The following MEGF6 variants were observed in gnomAD, a reference collection of about 807,000 sequenced individuals.
MEGF6 encodes multiple epidermal growth factor-like domains protein 6.
Under a neutral mutation model 207.1 loss-of-function variants are expected in MEGF6, and 184 were observed. That is an observed-to-expected ratio of 0.89 (90% CI 0.79 to 1.00). The LOEUF (loss-of-function observed/expected upper bound fraction) is 1.00. MEGF6 is among the 50% of genes least tolerant of loss of function. MEGF6 has a pLI of 0.00. For missense variants in MEGF6, 2,282 were observed against 2,202.9 expected, an observed-to-expected ratio of 1.04 and a Z score of -0.72; for synonymous variants, 1,038 against 910.0, an observed-to-expected ratio of 1.14 and a Z score of -2.53.
Position 3,595,350 on chromosome 1 carries a change from C to A in MEGF6, c.364G>T (p.Gly122Cys). Residue 122 changes from glycine to cysteine, a missense_variant, in exon 3 of 37, where the codon GGC becomes TGC. By Grantham distance (159) the Gly-to-Cys change is radical (BLOSUM62 -3). Transcript: ENST00000356575. ...RGWMQQPDEE[G>C]CLSAECSASL... The stretch of plus-strand genomic sequence containing the variant: ...AGGCGGCACTCACCCGAGAGGCAGC[C>A]CTCCTCGTCGGGCTGCTGCATCCAC... 1 of 1,611,514 alleles carries A rather than the reference C, an allele frequency of 6.2e-7. No homozygotes were observed. The highest frequency in any genetic ancestry group is 8.5e-7 in the Non-Finnish European group (1 of 1,179,190).
intron 3 of MEGF6, among the ~76,000 whole-genome samples, chr1:3,590,081 T>C (rs1643950820): frequency 6.6e-6 from 1 of 152,180 alleles, no homozygotes; most frequent in Non-Finnish European, 1.5e-5. Flanking sequence ...CCCCCTCCCC[T>C]GGGCCAGGCC....
At chr1:3,575,076 C>T (rs535774050) in intron 4 of MEGF6, among the ~76,000 whole-genome samples, 169 of 152,342 alleles carry the variant, frequency 1.1e-3, no homozygotes, top group Non-Finnish European at 1.9e-3. Flanking sequence ...ACTTCGTGTA[C>T]TACAAAAGAC....
rs192636631 is a variant in MEGF6, at chr1:3,562,940, C to T, written c.481+16885G>A. Among the ~76,000 whole-genome samples the T allele has an allele frequency of 2.0e-5, 3 of 152,288 alleles. No homozygotes were observed. In the East Asian group the frequency reaches 5.8e-4, roughly 30 times the overall value. On this transcript the variant is annotated intron_variant, in intron 4 of 36. Transcript: ENST00000356575. ...ACCCACCCCCAGGAAGGACGGTGGGCTGTCCTCAGGCGCCCCCAGGCCATG... is the reference window on the plus strand; with the variant it reads ...ACCCACCCCCAGGAAGGACGGTGGGTTGTCCTCAGGCGCCCCCAGGCCATG...
intron 3 of MEGF6, among the ~76,000 whole-genome samples, chr1:3,580,885 T>G (rs1359999271): frequency 6.6e-6 from 1 of 152,046 alleles, no homozygotes; most frequent in African/African-American, 2.4e-5. Flanking sequence ...TCAGTGAGTT[T>G]GTGTGTCACT....
chr1:3,543,306 C>A (rs1642587889), intron 4 of MEGF6, among the ~76,000 whole-genome samples: 1 of 152,248 alleles, frequency 6.6e-6, no homozygotes, highest in South Asian at 2.1e-4. Flanking sequence ...GGTCCCCAGG[C>A]CCTGCGGGTG....
the MEGF6 span, among the ~76,000 whole-genome samples, chr1:3,619,420 C>T: frequency 6.6e-6 from 1 of 152,194 alleles, no homozygotes; most frequent in East Asian, 1.9e-4. Context: ...AACCCCAGTG[C>T]GTGTGATATG....
At chr1:3,585,097 TC>T (rs1431613115) in intron 3 of MEGF6, among the ~76,000 whole-genome samples, 1 of 150,924 alleles carries the variant, frequency 6.6e-6, no homozygotes, top group Non-Finnish European at 1.5e-5. Flanking sequence ...AGGACACATG[TC>T]CTGTGTGAGG....
intron 4 of MEGF6, among the ~76,000 whole-genome samples, chr1:3,542,183 C>T (rs947713995): frequency 6.6e-6 from 1 of 152,208 alleles, no homozygotes; most frequent in Admixed American, 6.5e-5. Flanking sequence ...CTGAATCCAG[C>T]CCCAGTGTGG....
chr1:3,586,563 A>C (rs527887872), intron 3 of MEGF6, among the ~76,000 whole-genome samples: 1 of 152,212 alleles, frequency 6.6e-6, no homozygotes, highest in East Asian at 1.9e-4. Context: ...AGGTCCTGCC[A>C]GGCCATTTGT....
intron 1 of MEGF6, among the ~76,000 whole-genome samples, chr1:3,605,568 A>T (rs59902405): frequency 0.4 from 59,801 of 151,382 alleles, 12,081 homozygotes; most frequent in East Asian, 0.47. Flanking sequence ...TCATACACTC[A>T]CATACACACA....
chr1:3,541,809 CAG>C (rs950502881), intron 4 of MEGF6, among the ~76,000 whole-genome samples: 3 of 152,058 alleles, frequency 2.0e-5, no homozygotes, highest in Admixed American at 2.0e-4. Context: ...CTCCCGGGCA[CAG>C]GGGCTCCCTG....
At chr1:3,505,399 C>A in intron 16 of MEGF6, 23 bp downstream of exon 16, 3 of 1,585,894 alleles carry the variant, frequency 1.9e-6, no homozygotes, top group Admixed American at 1.8e-5. Flanking sequence ...CCCCCCGCCC[C>A]CAGACCCCAT....
Position 3,501,859 on chromosome 1 carries a change from A to T in MEGF6, c.2251T>A (p.Cys751Ser), listed in dbSNP as rs761954692. 2.5e-6 allele frequency: 4 copies of T among 1,607,890 alleles called. No individual in the cohort carries two copies. The highest frequency in any genetic ancestry group is 3.4e-6 in the Non-Finnish European group (4 of 1,178,308). The change falls in exon 18 of 37, where the codon TGC (cysteine) becomes AGC (serine). Residue 751 changes from cysteine (C) to serine (S), a missense_variant. Cys to Ser is a moderately radical substitution (Grantham distance 112, BLOSUM62 -1). Coordinates refer to ENST00000356575, the MANE Select transcript of MEGF6 (RefSeq NM_001409.4). The stretch of plus-strand genomic sequence containing the variant: ...CGGCACTGCCCCGTGACCCCGTGGC[A>T]GGGGGCCCCCCCACAGGAGCAGGAG... ...SSSCSCGGAPCHGVTGQCRCP... is the reference protein window; with the variant it reads ...SSSCSCGGAPSHGVTGQCRCP...
At chr1:3,515,128 C>T (rs552348030) in intron 6 of MEGF6, among the ~76,000 whole-genome samples, 60 of 152,330 alleles carry the variant, frequency 3.9e-4, no homozygotes, top group African/African-American at 1.3e-3. Context: ...GCAAAGCCCC[C>T]CCTTTCCACG....
intron 4 of MEGF6, among the ~76,000 whole-genome samples, chr1:3,574,627 G>A (rs1205873315): frequency 1.3e-5 from 2 of 148,332 alleles, no homozygotes; most frequent in Non-Finnish European, 2.9e-5. Context: ...CAGAGCCAAA[G>A]GTTACTATTT....
At chr1:3,522,582 C>T (rs1641794784) in intron 5 of MEGF6, among the ~76,000 whole-genome samples, 1 of 149,536 alleles carries the variant, frequency 6.7e-6, no homozygotes, top group East Asian at 2.1e-4. Context: ...GAGACTCCAG[C>T]CGGGTGAGTG....
Position 3,497,272 on chromosome 1 carries a change from G to A in MEGF6, c.3442C>T (p.Arg1148Cys), listed in dbSNP as rs199595618. The A allele has an allele frequency of 8.8e-5, 136 of 1,548,790 alleles. No homozygotes were observed. In the East Asian group the frequency reaches 1.5e-3, roughly 17 times the overall value. ...GAGCCAGTGAAGCCAGGGGGACAGC[G>A]GCAGGCCCCAGTGACGTGGTGGCAG... ...AACHHVTGAC[R>C]CPPGFTGSGC... Residue 1148 changes from arginine (R) to cysteine (C), a missense_variant, in exon 27 of 37, where the codon CGC becomes TGC. Arg to Cys is a radical substitution (Grantham distance 180, BLOSUM62 -3). Coordinates refer to ENST00000356575, the MANE Select transcript of MEGF6 (RefSeq NM_001409.4).
intron 26 of MEGF6, 23 bp downstream of exon 26, chr1:3,498,348 C>T (rs1434300678): frequency 1.3e-6 from 2 of 1,589,222 alleles, no homozygotes; most frequent in African/African-American, 1.3e-5. Context: ...CTGCAGACCC[C>T]CCTGCTGCCC....
At chr1:3,518,262 G>A (rs1641617086) in intron 5 of MEGF6, among the ~76,000 whole-genome samples, 1 of 152,110 alleles carries the variant, frequency 6.6e-6, no homozygotes, top group Admixed American at 6.5e-5. Flanking sequence ...TCTTCATTAT[G>A]GCAGCCAGAG....
Sources: allele counts gnomAD v4.1 joint callset (sites outside exome capture counted in the v4.1 genomes callset), GRCh38; gene constraint gnomAD v4.1.1; transcripts MANE v1.5; gene names NCBI Gene and HGNC (gene_info 2026-07-23, HGNC 2026-07-21).